The following ZNF462 variants were observed in gnomAD, a reference collection of about 807,000 sequenced individuals.
The protein encoded by ZNF462 is zinc finger PBX1-interacting protein.
ZNF462 carries 10 observed loss-of-function variants against 201.9 expected under a neutral mutation model. The observed-to-expected ratio is 0.05, with a 90% CI of 0.03 to 0.08. The LOEUF is 0.08. Among genes scored for constraint, ZNF462 ranks in the 10% least tolerant of loss-of-function variants. The pLI, the probability that ZNF462 is intolerant of heterozygous loss-of-function variation, is 1.00. For missense variants in ZNF462, 2,523 were observed against 3,168.3 expected (o/e 0.80, Z 4.89); for synonymous variants, 1,227 against 1,193.3 (o/e 1.03, Z -0.58).
At chr9:106,991,448 A>C (rs1164273373) in intron 10 of ZNF462, among the ~76,000 whole-genome samples, 1 of 152,028 alleles carries the variant, frequency 6.6e-6, no homozygotes, top group Non-Finnish European at 1.5e-5. Context: ...AGGAGACCCA[A>C]TATTGGTAAT....
rs897163011 is a variant in ZNF462, at chr9:106,974,065, G to C, written c.6696-72G>C. The stretch of plus-strand genomic sequence containing the variant: ...GCACTTGGACATATATAACGGGTTT[G>C]CCAGCAGGAAATGTGAAAATGCAAT... On this transcript the variant is annotated intron_variant, in intron 8 of 12. Transcript: ENST00000277225. The surrounding 1 kb of genome is among the most constrained non-coding windows in gnomAD (Gnocchi z 4.0). 1 of 1,595,788 alleles carries C rather than the reference G, an allele frequency of 6.3e-7. No individual in the cohort carries two copies. Among genetic ancestry groups the C allele is most frequent in the Non-Finnish European group, 8.6e-7 (1 of 1,167,552 alleles).
Position 106,939,086 on chromosome 9 carries a change from G to A in ZNF462, c.6406G>A (p.Glu2136Lys). ...HHSSQKATPA[E>K]EVEDSNDSSY... is the part of the protein sequence containing the mutation. ...CTCCTCCCAAAAAGCTACCCCGGCT[G>A]AAGAAGTGGAAGACTCCAATGGTAA... is the stretch of plus-strand genomic sequence containing the variant. Residue 2136 changes from glutamate to lysine, a missense_variant, in exon 7 of 13, where the codon GAA becomes AAA. Around this residue, in one of 15 missense-constraint regions of ZNF462, gnomAD observed 138 missense variants for 146.3 expected, o/e 0.94. Transcript: ENST00000277225. 3 of 1,607,140 alleles carry A rather than the reference G, an allele frequency of 1.9e-6. No homozygotes were observed. Among genetic ancestry groups the A allele is most frequent in the Non-Finnish European group, 1.7e-6 (2 of 1,176,830 alleles).
chr9:106,939,986 G>C (rs1024963395), intron 7 of ZNF462, among the ~76,000 whole-genome samples: 5 of 152,086 alleles, frequency 3.3e-5, no homozygotes, highest in Non-Finnish European at 4.4e-5. Context: ...GCTACCATCA[G>C]CTTGAGTACT....
rs1564141150 is a variant in ZNF462 at position 106,970,812 on chromosome 9, A to G, written c.6428-1193A>G. Reference sequence around the variant, plus strand: ...TTCCTCTCCCCCAACCCCTTTATTTATTTATTTTTACTTTTTTTTCTCTTC... The same window carrying G: ...TTCCTCTCCCCCAACCCCTTTATTTGTTTATTTTTACTTTTTTTTCTCTTC... On this transcript the variant is annotated intron_variant, in intron 7 of 12. Transcript: ENST00000277225. The surrounding 1 kb of genome is among the most constrained non-coding windows in gnomAD (Gnocchi z 4.2). Among the ~76,000 whole-genome samples the G allele has an allele frequency of 6.7e-6, 1 of 149,316 alleles. No individual in the cohort carries two copies. Among genetic ancestry groups the G allele is most frequent in the Non-Finnish European group, 1.5e-5 (1 of 67,748 alleles).
Position 106,993,870 on chromosome 9 carries a change from A to G in ZNF462, c.7057-9424A>G, listed in dbSNP as rs750616127. On this transcript the variant is annotated intron_variant, in intron 10 of 12. Coordinates refer to ENST00000277225, the MANE Select transcript of ZNF462 (RefSeq NM_021224.6). This position sits in a 1 kb window ranked among gnomAD's most constrained non-coding sequence, Gnocchi z 4.0. The stretch of plus-strand genomic sequence containing the variant: ...AGCAATCCTCCCACCTTGGCTTCCC[A>G]AAGTACAGGAATTGCAGGTGTGAGC... Among the ~76,000 whole-genome samples the G allele has an allele frequency of 6.6e-5, 10 of 152,104 alleles. No individual in the cohort carries two copies. The highest frequency in any genetic ancestry group is 1.5e-4 in the Non-Finnish European group (10 of 68,000).
At chr9:106,944,994 A>G (rs1365910314) in intron 7 of ZNF462, among the ~76,000 whole-genome samples, 4 of 152,166 alleles carry the variant, frequency 2.6e-5, no homozygotes, top group Non-Finnish European at 5.9e-5. Context: ...CTTTATGTAC[A>G]AAAACAAAGG....
Position 106,942,868 on chromosome 9 carries a change from A to G in ZNF462, c.6427+3761A>G, listed in dbSNP as rs190087210. 3.7e-3 allele frequency among the ~76,000 whole-genome samples: 566 copies of G among 152,332 alleles called. 4 individuals carry two copies. Among genetic ancestry groups the G allele is most frequent in the Middle Eastern group, 0.01 (3 of 294 alleles). ...GAAGTCAAGCCAGTGGTGACATTCCATCTTTTTCCTCCCTCTAGTTTCTCC... is the reference window on the plus strand; with the variant it reads ...GAAGTCAAGCCAGTGGTGACATTCCGTCTTTTTCCTCCCTCTAGTTTCTCC... On this transcript the variant is annotated intron_variant, in intron 7 of 12. Coordinates refer to ENST00000277225, the MANE Select transcript of ZNF462 (RefSeq NM_021224.6).
chr9:106,996,790 C>G (rs528299097), intron 10 of ZNF462, among the ~76,000 whole-genome samples: 1 of 152,132 alleles, frequency 6.6e-6, no homozygotes, highest in Non-Finnish European at 1.5e-5. Flanking sequence ...ATTATGAAGT[C>G]TTTATACCTT....
rs1463820832 is a variant in ZNF462 at position 106,872,472 on chromosome 9, C to G, written c.-31+9117C>G. Among the ~76,000 whole-genome samples the G allele has an allele frequency of 6.6e-6, 1 of 152,194 alleles. No individual in the cohort carries two copies. The highest frequency in any genetic ancestry group is 1.9e-4 in the East Asian group (1 of 5,190). On this transcript the variant is annotated intron_variant, in intron 1 of 12. Transcript: ENST00000277225. The surrounding 1 kb of genome is among the most constrained non-coding windows in gnomAD (Gnocchi z 4.5). ...CTGCCTCCCAGGTTCAAGCAATTCT[C>G]CTGACTCAGCCTCCCAAGTAGCTGG...
Position 106,896,161 on chromosome 9 carries a change from C to T in ZNF462, c.-30-27193C>T, listed in dbSNP as rs141243019. ...CTCATCCCAACTATATTTTTAACTT[C>T]CATGAGAAAGAACATGCCTTATACC... On this transcript the variant is annotated intron_variant, in intron 1 of 12. Transcript: ENST00000277225. Among the ~76,000 whole-genome samples, 534 of 152,154 alleles carry T rather than the reference C, an allele frequency of 3.5e-3. 2 individuals are homozygous for T. The highest frequency in any genetic ancestry group is 5.7e-3 in the Admixed American group (87 of 15,268).
intron 1 of ZNF462, among the ~76,000 whole-genome samples, chr9:106,864,097 T>TCTCTCTCTCTCTCC (rs1827207269): frequency 8.8e-6 from 1 of 113,290 alleles, no homozygotes; most frequent in Non-Finnish European, 1.9e-5. Context: ...TCTCTCTCTC[T>TCTCTCTCTCTCTCC]CTCTCTCTCT....
intron 1 of ZNF462, among the ~76,000 whole-genome samples, chr9:106,875,674 C>T (rs1006868336): frequency 1.3e-5 from 2 of 152,104 alleles, no homozygotes; most frequent in African/African-American, 2.4e-5. Context: ...CAAATGAAGT[C>T]AATGATTTCC....
chr9:106,962,766 G>A lies in ZNF462; in HGVS notation c.6428-9239G>A, dbSNP rs1222104431. ...GCCTCAACCTTATTTTCAGGATTAG[G>A]CGTTTGTTTTTCCGTTTGCCTCCAT... On this transcript the variant is annotated intron_variant, in intron 7 of 12. Transcript: ENST00000277225. The surrounding 1 kb of genome is among the most constrained non-coding windows in gnomAD (Gnocchi z 4.6). 3.3e-5 allele frequency among the ~76,000 whole-genome samples: 5 copies of A among 151,906 alleles called. No individual in the cohort carries two copies. In the East Asian group the frequency reaches 9.7e-4, roughly 29 times the overall value.
intron 9 of ZNF462, among the ~76,000 whole-genome samples, chr9:106,982,564 T>G (rs1380155769): frequency 6.6e-6 from 1 of 152,204 alleles, no homozygotes; most frequent in Non-Finnish European, 1.5e-5. Flanking sequence ...AAAAAATGTG[T>G]GGATTACATT....
At chr9:106,891,639 A>G (rs1828582178) in intron 1 of ZNF462, among the ~76,000 whole-genome samples, 1 of 152,186 alleles carries the variant, frequency 6.6e-6, no homozygotes, top group Admixed American at 6.5e-5. Context: ...TATCATTAGT[A>G]CCATTAATAA....
Position 106,923,491 on chromosome 9 carries a change from T to A in ZNF462, c.108T>A (p.Val36=). The A allele has an allele frequency of 6.2e-7, 1 of 1,614,246 alleles. No homozygotes were observed. Among genetic ancestry groups the A allele is most frequent in the Non-Finnish European group, 8.5e-7 (1 of 1,180,046 alleles). ...VHTAFLQPTD[V]AEDNVNELRC... Reference sequence around the variant, plus strand: ...CGGCATTTCTGCAGCCAACTGATGTTGCTGAGGACAATGTGAATGAGCTAC... The same window carrying A: ...CGGCATTTCTGCAGCCAACTGATGTAGCTGAGGACAATGTGAATGAGCTAC... The change falls in exon 2 of 13, where the codon GTT becomes GTA. Residue 36 remains valine (V), a synonymous_variant. Transcript: ENST00000277225. The surrounding 1 kb of genome is among the most constrained non-coding windows in gnomAD (Gnocchi z 5.6).
chr9:106,938,945 T>A lies in ZNF462; in HGVS notation c.6265T>A (p.Ser2089Thr). Residue 2089 changes from serine to threonine, a missense_variant, in exon 7 of 13, where the codon TCA becomes ACA. Ser to Thr is a moderately conservative substitution (Grantham distance 58, BLOSUM62 1). Coordinates refer to ENST00000277225, the MANE Select transcript of ZNF462 (RefSeq NM_021224.6). The surrounding 1 kb of genome is among the most constrained non-coding windows in gnomAD (Gnocchi z 4.4). ...GCATGCCTACAAGTGTTCTTGGTGC[T>A]CATTCTCCACCATGACAATCAGCCA... is the stretch of plus-strand genomic sequence containing the variant. ...GEHAYKCSWC[S>T]FSTMTISQLK... The A allele has an allele frequency of 6.2e-7, 1 of 1,612,152 alleles. No homozygotes were observed. The highest frequency in any genetic ancestry group is 8.5e-7 in the Non-Finnish European group (1 of 1,179,138).
At position 107,008,809 on chromosome 9, in the gene ZNF462, G is replaced by A. The variant is rs987754604; in HGVS notation, c.7190-736G>A. ...CAATATTTGATGTTTACAACAGACCGTCCAGAAATGTCTGCATATCCCCGT... is the reference window on the plus strand; with the variant it reads ...CAATATTTGATGTTTACAACAGACCATCCAGAAATGTCTGCATATCCCCGT... On this transcript the variant is annotated intron_variant, in intron 11 of 12. Transcript: ENST00000277225. The surrounding 1 kb of genome is among the most constrained non-coding windows in gnomAD (Gnocchi z 4.8). Among the ~76,000 whole-genome samples, 5 of 152,262 alleles carry A rather than the reference G, an allele frequency of 3.3e-5. 1 individual carries two copies. In the South Asian group the frequency reaches 6.2e-4, roughly 19 times the overall value.
chr9:106,879,193 A>G (rs1827973451), intron 1 of ZNF462, among the ~76,000 whole-genome samples: 1 of 152,120 alleles, frequency 6.6e-6, no homozygotes, highest in Admixed American at 6.5e-5. Flanking sequence ...CGCAGGAGAT[A>G]ATTCAGCTGG....
Sources: allele counts gnomAD v4.1 joint callset (sites outside exome capture counted in the v4.1 genomes callset), GRCh38; gene constraint gnomAD v4.1.1; regional missense constraint gnomAD v4.1.1; non-coding constraint Gnocchi (gnomAD v3.1); transcripts MANE v1.5; gene names NCBI Gene and HGNC (gene_info 2026-07-23, HGNC 2026-07-21).